The following SYNE1 variants were observed in gnomAD, a reference collection of about 807,000 sequenced individuals.
SYNE1 encodes spectrin repeat containing nuclear envelope protein 1.
SYNE1 carries 616 observed loss-of-function variants against 1,111.0 expected under a neutral mutation model. That is an observed-to-expected ratio of 0.55 (90% CI 0.52 to 0.59). SYNE1 has a LOEUF of 0.59. Among genes scored for constraint, SYNE1 ranks in the 20% least tolerant of loss-of-function variants. SYNE1 has a pLI of 0.00. For synonymous variants in SYNE1, 3,855 were observed against 3,825.8 expected (o/e 1.01, Z -0.28); for missense variants, 10,006 against 10,417.0 (o/e 0.96, Z 1.72).
At chr6:152,160,319 A>T (rs1384470853) in intron 131 of SYNE1, among the ~76,000 whole-genome samples, 1 of 152,102 alleles carries the variant, frequency 6.6e-6, no homozygotes, top group Non-Finnish European at 1.5e-5. Flanking sequence ...TTATTGAACT[A>T]ATAAAACTCC....
chr6:152,461,866 C>T (rs565753744), intron 20 of SYNE1, 126 bp from the exon 21 acceptor site: 50 of 1,230,096 alleles, frequency 4.1e-5, no homozygotes, highest in Non-Finnish European at 5.5e-5. Flanking sequence ...ACTAAACTTT[C>T]GACGATTCCA....
intron 10 of SYNE1, among the ~76,000 whole-genome samples, chr6:152,501,995 C>T (rs1438432087): frequency 6.6e-6 from 1 of 151,982 alleles, no homozygotes; most frequent in Non-Finnish European, 1.5e-5. Context: ...TGGGAATTAA[C>T]ATCAACATAT....
At chr6:152,450,513 C>T (rs559281851) in intron 27 of SYNE1, 112 bp downstream of exon 27, 33 of 1,058,398 alleles carry the variant, frequency 3.1e-5, no homozygotes, top group South Asian at 1.8e-4. Flanking sequence ...GATTTTTGTA[C>T]GAGAACATGA....
chr6:152,270,607 C>G lies in SYNE1; in HGVS notation c.18574-1321G>C, dbSNP rs147692727. ...AGCTTTTCTACTCACATAGATTCAT[C>G]TGTCAAAGGATAAATTATAATTTCA... On this transcript the variant is annotated intron_variant, in intron 98 of 145. Coordinates refer to ENST00000367255, the MANE Select transcript of SYNE1 (RefSeq NM_182961.4). 2.6e-5 allele frequency among the ~76,000 whole-genome samples: 4 copies of G among 152,322 alleles called. No homozygotes were observed. In the East Asian group the frequency reaches 7.7e-4, roughly 29 times the overall value.
At chr6:152,214,543 G>C (rs2153436439) in intron 122 of SYNE1, among the ~76,000 whole-genome samples, 1 of 152,304 alleles carries the variant, frequency 6.6e-6, no homozygotes, top group African/African-American at 2.4e-5. Flanking sequence ...TTCTGAGGCA[G>C]AGCCTTTACA....
chr6:152,165,143 G>A (rs1486083600), intron 130 of SYNE1, among the ~76,000 whole-genome samples: 1 of 150,130 alleles, frequency 6.7e-6, no homozygotes, highest in Non-Finnish European at 1.5e-5. Context: ...TTGTCACACA[G>A]TCAGTGGAGG....
At position 152,236,252 on chromosome 6, in the gene SYNE1, C is replaced by T. The variant is rs1310004532; in HGVS notation, c.20251G>A (p.Asp6751Asn). 3.7e-6 allele frequency: 6 copies of T among 1,614,044 alleles called. No homozygotes were observed. The highest frequency in any genetic ancestry group is 5.1e-6 in the Non-Finnish European group (6 of 1,179,986). ...GATATCAGAAGTCGTTTCCCATCAT[C>T]TAATACTTGATATAATTTGGGCTGG... Reference protein sequence around the residue: ...EYQPKLYQVLDDGKRLLISIS... With the variant: ...EYQPKLYQVLNDGKRLLISIS... Residue 6751 changes from aspartate (D) to asparagine (N), a missense_variant, in exon 110 of 146, where the codon GAT (aspartate) becomes AAT (asparagine). Physicochemically the swap from Asp to Asn is conservative, Grantham distance 23. This residue lies in a region of SYNE1 where 2,182 missense variants were observed against 2,287.8 expected (regional missense o/e 0.95). Coordinates refer to ENST00000367255, the MANE Select transcript of SYNE1 (RefSeq NM_182961.4).
rs764943548 is a variant in SYNE1, at chr6:152,484,850, A to G, written c.1170T>C (p.Asp390=). The change falls in exon 13 of 146, where the codon GAT becomes GAC. Residue 390 remains aspartate, a synonymous_variant. Transcript: ENST00000367255. ...GAGAACTTACCCTGGAGGTCACTCTATCCCAAGATTGTTTTACCAATGCTT... is the reference window on the plus strand; with the variant it reads ...GAGAACTTACCCTGGAGGTCACTCTGTCCCAAGATTGTTTTACCAATGCTT... ...LDQALVKQSW[D]RVTSRLFDWH... is the part of the protein sequence containing the mutation. The G allele has an allele frequency of 1.9e-6, 3 of 1,613,990 alleles. No individual in the cohort carries two copies. Among genetic ancestry groups the G allele is most frequent in the Non-Finnish European group, 2.5e-6 (3 of 1,179,950 alleles).
chr6:152,610,252 A>T (rs998643700), intron 3 of SYNE1, among the ~76,000 whole-genome samples: 1 of 152,222 alleles, frequency 6.6e-6, no homozygotes, highest in African/African-American at 2.4e-5. Flanking sequence ...CCTTGAAAAA[A>T]GATTAGATGA....
rs1293615633 is a variant in SYNE1, at chr6:152,471,711, T to C, written c.1518A>G (p.Leu506=). 3 of 1,614,016 alleles carry C rather than the reference T, an allele frequency of 1.9e-6. No homozygotes were observed. Among genetic ancestry groups the C allele is most frequent in the Non-Finnish European group, 2.5e-6 (3 of 1,179,900 alleles). ...GTGAGAGCAGACGGTACTTTAATTCTAAAAATTCCATTTTCATTAGGTGTA... is the reference window on the plus strand; with the variant it reads ...GTGAGAGCAGACGGTACTTTAATTCCAAAAATTCCATTTTCATTAGGTGTA... ...SELHLMKMEF[L]ELKYRLLSLL... The change falls in exon 16 of 146, where the codon TTA becomes TTG. Residue 506 remains leucine (L), a synonymous_variant. Transcript: ENST00000367255.
At chr6:152,196,279 C>G (rs2074089781) in intron 127 of SYNE1, among the ~76,000 whole-genome samples, 1 of 152,116 alleles carries the variant, frequency 6.6e-6, no homozygotes, top group African/African-American at 2.4e-5. Flanking sequence ...CCTGTTGTTG[C>G]TATGCTGGTA....
At chr6:152,527,279 A>T (rs1205211255) in intron 4 of SYNE1, among the ~76,000 whole-genome samples, 1 of 152,246 alleles carries the variant, frequency 6.6e-6, no homozygotes, top group African/African-American at 2.4e-5. Context: ...TGCATGAATT[A>T]TAATGTCTGA....
chr6:152,588,971 A>G (rs1315036817), intron 3 of SYNE1, among the ~76,000 whole-genome samples: 2 of 151,818 alleles, frequency 1.3e-5, no homozygotes, highest in Non-Finnish European at 2.9e-5. Flanking sequence ...TTTTTTTTCA[A>G]CAGAGACTTG....
intron 121 of SYNE1, among the ~76,000 whole-genome samples, chr6:152,216,632 C>T (rs568137307): frequency 4.3e-4 from 65 of 152,214 alleles, no homozygotes; most frequent in South Asian, 1.5e-3. Context: ...ACCAGGATGC[C>T]GCCTTGAGAA....
intron 14 of SYNE1, among the ~76,000 whole-genome samples, chr6:152,474,896 T>C (rs1185314300): frequency 1.3e-5 from 2 of 152,042 alleles, no homozygotes; most frequent in African/African-American, 2.4e-5. Flanking sequence ...CAAAACCTCC[T>C]TAATCAACTT....
chr6:152,313,684 G>A (rs1465041729), intron 87 of SYNE1, among the ~76,000 whole-genome samples: 3 of 151,956 alleles, frequency 2.0e-5, no homozygotes, highest in Admixed American at 6.6e-5. Flanking sequence ...GGCTGGTCTC[G>A]AACTCTTGAC....
chr6:152,462,224 T>C (rs1307424641), intron 20 of SYNE1, among the ~76,000 whole-genome samples: 1 of 152,054 alleles, frequency 6.6e-6, no homozygotes, highest in Non-Finnish European at 1.5e-5. Context: ...TATCTATACA[T>C]CATTAAGTTT....
chr6:152,181,732 T>C (rs1587061811), intron 128 of SYNE1, among the ~76,000 whole-genome samples: 1 of 152,356 alleles, frequency 6.6e-6, no homozygotes, highest in East Asian at 1.9e-4. Context: ...TCCATTTTTT[T>C]GCCTATTCTG....
intron 144 of SYNE1, among the ~76,000 whole-genome samples, chr6:152,131,629 C>A (rs1257726500): frequency 6.6e-6 from 1 of 152,118 alleles, no homozygotes; most frequent in Non-Finnish European, 1.5e-5. Context: ...AGGGGTGGCA[C>A]AACTGCCGCA....
Sources: allele counts gnomAD v4.1 joint callset (sites outside exome capture counted in the v4.1 genomes callset), GRCh38; gene constraint gnomAD v4.1.1; regional missense constraint gnomAD v4.1.1; transcripts MANE v1.5; gene names NCBI Gene and HGNC (gene_info 2026-07-23, HGNC 2026-07-21).